The following NDFIP2 variants were observed in gnomAD, a reference collection of about 807,000 sequenced individuals.
NDFIP2 encodes the protein Nedd4 family interacting protein 2, also known as NEDD4 family-interacting protein 2.
In NDFIP2, 19 loss-of-function variants were observed where a neutral mutation model predicts 36.0. The ratio of observed to expected loss-of-function variants is 0.53; its 90% CI spans 0.37 to 0.77. The LOEUF is 0.77. Ranked by LOEUF, NDFIP2 falls within the 30% of genes least tolerant of loss-of-function variation. The pLI, the probability that NDFIP2 is intolerant of heterozygous loss-of-function variation, is 0.00. For missense variants in NDFIP2, 446 were observed against 435.8 expected, an observed-to-expected ratio of 1.02 and a Z score of -0.21; for synonymous variants, 181 against 167.7, an observed-to-expected ratio of 1.08 and a Z score of -0.61.
At chr13:79,539,896 A>C in intron 4 of NDFIP2, 121 bp downstream of exon 4, 1 of 726,784 alleles carries the variant, frequency 1.4e-6, no homozygotes, top group Admixed American at 2.3e-5. Flanking sequence ...TAAAATGTAA[A>C]TTGTTCCTGA....
chr13:79,498,800 C>T (rs182933980), intron 1 of NDFIP2, among the ~76,000 whole-genome samples: 2 of 151,906 alleles, frequency 1.3e-5, no homozygotes, highest in Admixed American at 6.6e-5. Context: ...GTTTCCATCA[C>T]GGGAGTTTTG....
intron 1 of NDFIP2, among the ~76,000 whole-genome samples, chr13:79,507,716 A>G (rs968666315): frequency 6.6e-6 from 1 of 152,070 alleles, no homozygotes; most frequent in Admixed American, 6.6e-5. Flanking sequence ...ACTTTTTTTA[A>G]AATTTAAATA....
At chr13:79,518,625 T>G (rs745755145) in intron 1 of NDFIP2, among the ~76,000 whole-genome samples, 1 of 152,202 alleles carries the variant, frequency 6.6e-6, no homozygotes, top group Non-Finnish European at 1.5e-5. Flanking sequence ...GGGAGAATAG[T>G]ATTTGTTAAA....
chr13:79,496,334 C>T (rs1873431784), intron 1 of NDFIP2, among the ~76,000 whole-genome samples: 1 of 151,892 alleles, frequency 6.6e-6, no homozygotes, highest in Non-Finnish European at 1.5e-5. Flanking sequence ...GAACTCTTGG[C>T]TGAGTATTTG....
At chr13:79,545,379 GA>G in intron 5 of NDFIP2, among the ~76,000 whole-genome samples, 1 of 152,290 alleles carries the variant, frequency 6.6e-6, no homozygotes, top group South Asian at 2.1e-4. Flanking sequence ...GATGTGATAA[GA>G]TGGGGAACTT....
intron 2 of NDFIP2, among the ~76,000 whole-genome samples, chr13:79,532,694 A>G (rs928606862): frequency 2.0e-5 from 3 of 152,194 alleles, no homozygotes; most frequent in Non-Finnish European, 4.4e-5. Flanking sequence ...TAGCAAAGGG[A>G]AATACTGAAT....
chr13:79,545,303 G>GTC (rs1875625112), intron 5 of NDFIP2, among the ~76,000 whole-genome samples: 1 of 152,088 alleles, frequency 6.6e-6, no homozygotes, highest in African/African-American at 2.4e-5. Flanking sequence ...AAGTATTACA[G>GTC]CTTAATTTTC....
Position 79,481,247 on chromosome 13 carries a change from G to A in NDFIP2, c.44G>A (p.Ser15Asn). Residue 15 changes from serine to asparagine, a missense_variant, in exon 1 of 8, where the codon AGC (serine) becomes AAC (asparagine). By Grantham distance (46) the Ser-to-Asn change is conservative. Transcript: ENST00000218652. ...RSQRVCASGP[S>N]MLNSARGAPE... Reference sequence around the variant, plus strand: ...CAGCGAGTCTGCGCGAGCGGTCCGAGCATGCTCAATAGCGCGCGCGGCGCC... The same window carrying A: ...CAGCGAGTCTGCGCGAGCGGTCCGAACATGCTCAATAGCGCGCGCGGCGCC... 6.5e-7 allele frequency: 1 copy of A among 1,535,202 alleles called. No individual in the cohort carries two copies. Among genetic ancestry groups the A allele is most frequent in the Non-Finnish European group, 8.7e-7 (1 of 1,145,972 alleles).
chr13:79,487,382 G>A (rs934056523), intron 1 of NDFIP2, among the ~76,000 whole-genome samples: 4 of 152,060 alleles, frequency 2.6e-5, no homozygotes, highest in Non-Finnish European at 4.4e-5. Context: ...AGTTTTCATC[G>A]TATAAATCGA....
rs148138487 is a variant in NDFIP2 at position 79,495,361 on chromosome 13, T to A, written c.321+13837T>A. Among the ~76,000 whole-genome samples the A allele has an allele frequency of 4.3e-3, 661 of 152,054 alleles. 2 individuals are homozygous for A. Among genetic ancestry groups the A allele is most frequent in the Middle Eastern group, 0.01 (3 of 294 alleles). On this transcript the variant is annotated intron_variant, in intron 1 of 7. Coordinates refer to ENST00000218652, the MANE Select transcript of NDFIP2 (RefSeq NM_019080.3). Reference sequence around the variant, plus strand: ...GATCCTTTAATGATCTGTTTCTTGTTTTCTAAATTCTGCTCTCTTATGAAA... The same window carrying A: ...GATCCTTTAATGATCTGTTTCTTGTATTCTAAATTCTGCTCTCTTATGAAA...
At chr13:79,506,861 A>T (rs375536560) in intron 1 of NDFIP2, among the ~76,000 whole-genome samples, 1 of 152,128 alleles carries the variant, frequency 6.6e-6, no homozygotes, top group African/African-American at 2.4e-5. Context: ...CAAGGGAAAA[A>T]TACCTTAAGA....
chr13:79,493,905 T>C (rs1269115495), intron 1 of NDFIP2, among the ~76,000 whole-genome samples: 2 of 152,008 alleles, frequency 1.3e-5, no homozygotes, highest in Non-Finnish European at 2.9e-5. Context: ...AATCAAATAG[T>C]ACATGTCCAC....
chr13:79,551,196 C>A, intron 7 of NDFIP2, 74 bp downstream of exon 7: 1 of 747,688 alleles, frequency 1.3e-6, no homozygotes, highest in Non-Finnish European at 2.1e-6. Context: ...TATTAAATGC[C>A]TAATGTGTAT....
At chr13:79,496,604 G>A (rs948382513) in intron 1 of NDFIP2, among the ~76,000 whole-genome samples, 1 of 151,614 alleles carries the variant, frequency 6.6e-6, no homozygotes, top group Non-Finnish European at 1.5e-5. Flanking sequence ...AGGAATTATG[G>A]CCATTATTTC....
chr13:79,521,042 T>A, intron 2 of NDFIP2, 67 bp downstream of exon 2: 1 of 1,370,176 alleles, frequency 7.3e-7, no homozygotes, highest in Non-Finnish European at 1.0e-6. Context: ...TTTGTGTAAT[T>A]ATCATGTCTG....
At chr13:79,484,398 G>T (rs1484919063) in intron 1 of NDFIP2, among the ~76,000 whole-genome samples, 1 of 152,156 alleles carries the variant, frequency 6.6e-6, no homozygotes, top group African/African-American at 2.4e-5. Flanking sequence ...TTCTTATTCT[G>T]TGTACAAGTT....
chr13:79,544,343 G>A (rs985610434), intron 5 of NDFIP2, among the ~76,000 whole-genome samples: 2 of 152,184 alleles, frequency 1.3e-5, no homozygotes, highest in South Asian at 2.1e-4. Context: ...AAGATAGTGC[G>A]TAGGGAGACA....
chr13:79,525,088 G>A (rs1390255897), intron 2 of NDFIP2, among the ~76,000 whole-genome samples: 3 of 152,104 alleles, frequency 2.0e-5, no homozygotes, highest in African/African-American at 7.2e-5. Context: ...ATATTTTTTA[G>A]TCCAAACCTA....
chr13:79,486,095 G>A (rs984057432), intron 1 of NDFIP2, among the ~76,000 whole-genome samples: 3 of 151,884 alleles, frequency 2.0e-5, no homozygotes, highest in East Asian at 1.9e-4. Flanking sequence ...ATATAGTCAC[G>A]TTCATCTTTG....
Sources: allele counts gnomAD v4.1 joint callset (sites outside exome capture counted in the v4.1 genomes callset), GRCh38; gene constraint gnomAD v4.1.1; transcripts MANE v1.5; gene names NCBI Gene and HGNC (gene_info 2026-07-23, HGNC 2026-07-21).